SLC4A1AP: variants seen among roughly 807,000 people sequenced by gnomAD.
SLC4A1AP encodes kanadaptin.
In SLC4A1AP, 64 loss-of-function variants were observed where a neutral mutation model predicts 89.7. That is an observed-to-expected ratio of 0.71 (90% CI 0.58 to 0.88). The LOEUF is 0.88. Ranked by LOEUF, SLC4A1AP falls within the 40% of genes least tolerant of loss-of-function variation. The pLI is 0.00. For missense variants in SLC4A1AP, 931 were observed against 965.0 expected, an observed-to-expected ratio of 0.96 and a Z score of 0.47; for synonymous variants, 366 against 353.3, an observed-to-expected ratio of 1.04 and a Z score of -0.40.
intron 6 of SLC4A1AP, among the ~76,000 whole-genome samples, chr2:27,676,385 C>T (rs1675523136): frequency 2.0e-5 from 3 of 152,210 alleles, no homozygotes; most frequent in Non-Finnish European, 4.4e-5. Flanking sequence ...AAACATTACC[C>T]AACATCTATC....
intron 2 of SLC4A1AP, among the ~76,000 whole-genome samples, chr2:27,666,874 T>A (rs1014831116): frequency 0.1 from 1,216 of 11,936 alleles, 17 homozygotes; most frequent in Admixed American, 0.14. Flanking sequence ...TATATATATT[T>A]TTTTTTTTTT....
chr2:27,680,970 C>T (rs906304403), intron 8 of SLC4A1AP, among the ~76,000 whole-genome samples: 1 of 151,932 alleles, frequency 6.6e-6, no homozygotes, highest in African/African-American at 2.4e-5. Flanking sequence ...TGTGTATCTT[C>T]TTCCTCCTCT....
At position 27,678,502 on chromosome 2, in the gene SLC4A1AP, C is replaced by T. The variant is rs1044036158; in HGVS notation, c.1763+578C>T. Reference sequence around the variant, plus strand: ...GAGCTGTGATCGTGCCATTGCACTCCAGCATGGGTGACAGAGGAAGTTCCT... The same window carrying T: ...GAGCTGTGATCGTGCCATTGCACTCTAGCATGGGTGACAGAGGAAGTTCCT... On this transcript the variant is annotated intron_variant, in intron 8 of 13. Transcript: ENST00000613058. Among the ~76,000 whole-genome samples the T allele has an allele frequency of 5.3e-5, 8 of 151,442 alleles. No individual in the cohort carries two copies. The South Asian group carries it at 1.5e-3, about 28-fold the overall frequency.
rs768346899 is a variant in SLC4A1AP at position 27,685,029 on chromosome 2, C to T, written c.1876-8C>T. ...AACTACTTGTTCATGGTTTTGTTTC[C>T]CTCTTAGAAGTTACCCCCCAAGCGT... On this transcript the variant is annotated splice_region_variant and splice_polypyrimidine_tract_variant and intron_variant, in intron 9 of 13. Coordinates refer to ENST00000613058, the Ensembl canonical transcript of SLC4A1AP. The T allele has an allele frequency of 3.2e-6, 5 of 1,574,374 alleles. No individual in the cohort carries two copies. The African/African-American group carries it at 5.5e-5, about 17-fold the overall frequency.
intron 13 of SLC4A1AP, 89 bp from the exon 14 acceptor site, chr2:27,694,529 CCTTTTTGTCTATTTTA>C (rs1675842182): frequency 1.3e-6 from 1 of 741,532 alleles, no homozygotes; most frequent in Non-Finnish European, 2.0e-6. Context: ...GTAGAATAAA[CCTTTTTGTCTATTTTA>C]CTTTTTGGCC....
chr2:27,693,116 TA>T (rs1480100730), intron 12 of SLC4A1AP: 3 of 133,466 alleles, frequency 2.2e-5, no homozygotes, highest in African/African-American at 1.2e-4. Flanking sequence ...TTTGTATTTT[TA>T]GTAGAGATTT....
intron 10 of SLC4A1AP, among the ~76,000 whole-genome samples, chr2:27,686,024 C>T (rs1572995965): frequency 6.6e-6 from 1 of 152,130 alleles, no homozygotes; most frequent in Admixed American, 6.5e-5. Flanking sequence ...TTGTCAACTG[C>T]AGGGGTTATT....
chr2:27,664,872 A>G (rs1370789967), intron 1 of SLC4A1AP, among the ~76,000 whole-genome samples: 1 of 151,426 alleles, frequency 6.6e-6, no homozygotes, highest in African/African-American at 2.4e-5. Flanking sequence ...GTTTGAGAGG[A>G]GGCTGGGCAA....
chr2:27,673,123 C>T (rs533255480), intron 5 of SLC4A1AP, among the ~76,000 whole-genome samples: 3 of 152,198 alleles, frequency 2.0e-5, no homozygotes, highest in South Asian at 2.1e-4. Context: ...TTACTTAGTC[C>T]TCCATAACCT....
chr2:27,663,969 G>A (rs771676358), exon 1 of SLC4A1AP: 2 of 1,614,240 alleles, frequency 1.2e-6, no homozygotes, highest in African/African-American at 2.7e-5. Context: ...CCTCAGTGGG[G>A]ACTTCAAGAA....
At chr2:27,687,816 A>G in intron 10 of SLC4A1AP, 118 bp from the exon 11 acceptor site, 1 of 670,768 alleles carries the variant, frequency 1.5e-6, no homozygotes. Flanking sequence ...GAAGCTGATG[A>G]TAATAAAACT....
intron 6 of SLC4A1AP, 135 bp from the exon 7 acceptor site, chr2:27,677,160 C>G: frequency 2.9e-6 from 2 of 696,698 alleles, no homozygotes; most frequent in East Asian, 2.5e-5. Context: ...AAAGTGTTAA[C>G]TCCATAAGTA....
chr2:27,664,072 C>A lies in SLC4A1AP; in HGVS notation c.320C>A (p.Ala107Glu), dbSNP rs745422850. The A allele has an allele frequency of 6.2e-6, 10 of 1,614,184 alleles. No individual in the cohort carries two copies. The Admixed American group carries it at 1.7e-4, about 27-fold the overall frequency. ...GAGGTACAGAAGGAAGGGCCCACTGCGTTGCAGGACTCCAATTCTGGGGAG... is the reference window on the plus strand; with the variant it reads ...GAGGTACAGAAGGAAGGGCCCACTGAGTTGCAGGACTCCAATTCTGGGGAG... Residue 107 changes from alanine to glutamate, a missense_variant, in exon 1 of 14, where the codon GCG becomes GAG. Transcript: ENST00000613058.
chr2:27,688,916 T>A, intron 12 of SLC4A1AP, 149 bp downstream of exon 12: 1 of 546,780 alleles, frequency 1.8e-6, no homozygotes, highest in Non-Finnish European at 3.2e-6. Context: ...TTTTTGTTTT[T>A]GAATTTTCTG....
At chr2:27,690,704 G>A (rs1306873282) in intron 12 of SLC4A1AP, among the ~76,000 whole-genome samples, 2 of 152,014 alleles carry the variant, frequency 1.3e-5, no homozygotes, top group Non-Finnish European at 2.9e-5. Context: ...GCCCGGGCTG[G>A]TCTCAAACTC....
intron 5 of SLC4A1AP, 92 bp downstream of exon 5, chr2:27,669,479 A>C: frequency 7.9e-7 from 1 of 1,260,348 alleles, no homozygotes. Flanking sequence ...GGAAAATGTA[A>C]ATTGTACAAA....
intron 5 of SLC4A1AP, among the ~76,000 whole-genome samples, chr2:27,671,424 G>A (rs1675426754): frequency 6.6e-6 from 1 of 152,036 alleles, no homozygotes. Context: ...TGTGTTTGGG[G>A]CTTTTTTGTA....
chr2:27,665,245 A>G, exon 2 of SLC4A1AP: 1 of 1,612,610 alleles, frequency 6.2e-7, no homozygotes, highest in Non-Finnish European at 8.5e-7. Context: ...TCTGAAAGGA[A>G]GATAAATGCT....
chr2:27,665,135 A>C, exon 2 of SLC4A1AP: 1 of 1,613,314 alleles, frequency 6.2e-7, no homozygotes, highest in Non-Finnish European at 8.5e-7. Flanking sequence ...AATCCGAGTT[A>C]ACAGTAACAC....
Sources: gnomAD v4.1 joint callset for allele counts (sites outside exome capture counted in the v4.1 genomes callset) on GRCh38, gnomAD v4.1.1 for gene constraint, MANE v1.5 for transcripts, NCBI Gene and HGNC (gene_info 2026-07-23, HGNC 2026-07-21) for gene names.